WSB1: variants seen among roughly 807,000 people sequenced by gnomAD.
WSB1 encodes the protein WD repeat and SOCS box containing 1.
In WSB1, 23 loss-of-function variants were observed where a neutral mutation model predicts 50.2. That is an observed-to-expected ratio of 0.46 (90% confidence interval 0.33 to 0.65). The LOEUF is 0.65. Ranked by LOEUF, WSB1 falls within the 30% of genes least tolerant of loss-of-function variation. The pLI is 0.02. For missense variants in WSB1, 492 were observed against 522.3 expected (o/e 0.94, Z 0.56); for synonymous variants, 179 against 172.0 (o/e 1.04, Z -0.32).
chr17:27,294,341 T>G lies in WSB1; in HGVS notation c.-55T>G. 2 of 1,600,682 alleles carry G rather than the reference T, an allele frequency of 1.2e-6. No homozygotes were observed. The highest frequency in any genetic ancestry group is 2.2e-5 in the South Asian group (2 of 90,196). ...TCACGCCCCTCAGCGGTCGCCACTC[T>G]CTTCTCTGTTGTTGGGTCCGCATCG... On this transcript the variant is annotated 5_prime_UTR_variant, in exon 1 of 9. Coordinates refer to ENST00000262394, the MANE Select transcript of WSB1 (RefSeq NM_015626.10).
In WSB1 at chr17:27,315,255, T is replaced by C. The variant is rs1322250696; in HGVS notation, c.*2886T>C. 1 of 152,212 alleles carries C rather than the reference T, an allele frequency of 6.6e-6. No individual in the cohort carries two copies. The highest frequency in any genetic ancestry group is 1.9e-4 in the East Asian group (1 of 5,204). The allele number at this position is 152,212 out of a possible 1,614,324, so 9.4% of individuals were successfully genotyped here. A position where few individuals can be genotyped will look rare whatever the true frequency, so the allele number is the denominator to read the frequency against. ...TCCTATTTTGCCACAAGCCTGTCAT[T>C]TGGAGAACTGGCAGATCATTTATGT... On this transcript the variant is annotated 3_prime_UTR_variant, in exon 9 of 9. Transcript: ENST00000262394.
chr17:27,300,438 A>G (rs183209616), intron 1 of WSB1, among the ~76,000 whole-genome samples: 107 of 152,284 alleles, frequency 7.0e-4, no homozygotes, highest in African/African-American at 1.9e-3. Flanking sequence ...GTTTGCATGC[A>G]TGCATTGCAG....
intron 2 of WSB1, 182 bp downstream of exon 2, chr17:27,302,138 C>T (rs536456446): frequency 4.1e-5 from 32 of 783,928 alleles, no homozygotes; most frequent in South Asian, 2.4e-4. Flanking sequence ...GGGCCGGGCG[C>T]GGCGGCTCAG....
At chr17:27,301,150 A>G (rs1471635320) in intron 1 of WSB1, among the ~76,000 whole-genome samples, 1 of 152,208 alleles carries the variant, frequency 6.6e-6, no homozygotes, top group Non-Finnish European at 1.5e-5. Context: ...TTGGGATTAC[A>G]GGTGTGAGCA....
At chr17:27,309,963 A>C (rs962888869) in intron 6 of WSB1, 98 bp from the exon 7 acceptor site, 1 of 872,136 alleles carries the variant, frequency 1.1e-6, no homozygotes, top group African/African-American at 1.7e-5. Flanking sequence ...AATTAAGGCT[A>C]CTTTAAACAC....
intron 3 of WSB1, among the ~76,000 whole-genome samples, chr17:27,303,971 AT>A (rs2017340811): frequency 6.6e-6 from 1 of 152,200 alleles, no homozygotes; most frequent in African/African-American, 2.4e-5. Flanking sequence ...TTTTTCAATG[AT>A]TGATAGCTTA....
At chr17:27,300,709 T>TA (rs2017191373) in intron 1 of WSB1, among the ~76,000 whole-genome samples, 1 of 151,416 alleles carries the variant, frequency 6.6e-6, no homozygotes, top group Non-Finnish European at 1.5e-5. Context: ...TTTTTTTTTT[T>TA]ATGACAGTCT....
chr17:27,311,638 T>A, intron 8 of WSB1, 22 bp downstream of exon 8: 7 of 1,343,750 alleles, frequency 5.2e-6, no homozygotes, highest in African/African-American at 1.6e-5. Flanking sequence ...TTTCTCTTTT[T>A]TTTTTTTTTT....
Position 27,313,345 on chromosome 17 carries a change from T to C in WSB1, c.*976T>C, listed in dbSNP as rs2017760715. On this transcript the variant is annotated 3_prime_UTR_variant, in exon 9 of 9. Transcript: ENST00000262394. ...AGTTTACCCTTGTGGTATAAAGTAT[T>C]ATAAATTGTTGTGAATTTGAAGAAT... 1 of 152,226 alleles carries C rather than the reference T, an allele frequency of 6.6e-6. No homozygotes were observed. The highest frequency in any genetic ancestry group is 2.1e-4 in the South Asian group (1 of 4,822). The allele number at this position is 152,226 out of a possible 1,614,324, so 9.4% of individuals were successfully genotyped here.
intron 1 of WSB1, chr17:27,297,097 AT>A (rs1463063003): frequency 6.6e-6 from 1 of 151,998 alleles, no homozygotes; most frequent in Non-Finnish European, 1.5e-5. Flanking sequence ...TGTTATAAAT[AT>A]GTTATTATTT....
chr17:27,308,153 C>A, intron 5 of WSB1: 1 of 1,008,108 alleles, frequency 9.9e-7, no homozygotes, highest in Non-Finnish European at 1.2e-6. Flanking sequence ...GTCTTTGATT[C>A]AATTTAAAAT....
chr17:27,304,959 A>C, intron 4 of WSB1, 48 bp downstream of exon 4: 1 of 1,607,244 alleles, frequency 6.2e-7, no homozygotes, highest in Non-Finnish European at 8.5e-7. Flanking sequence ...TCTTGATACT[A>C]CTATGGAGAG....
chr17:27,296,305 C>A (rs1237034701), intron 1 of WSB1, among the ~76,000 whole-genome samples: 1 of 151,196 alleles, frequency 6.6e-6, no homozygotes, highest in Non-Finnish European at 1.5e-5. Context: ...TAAAAACTTA[C>A]TAGCTAAGTG....
At chr17:27,299,462 T>TA (rs1473137010) in intron 1 of WSB1, among the ~76,000 whole-genome samples, 2 of 152,140 alleles carry the variant, frequency 1.3e-5, no homozygotes, top group African/African-American at 2.4e-5. Flanking sequence ...AGTGCGCAGT[T>TA]ATTGTGCTAC....
intron 1 of WSB1, among the ~76,000 whole-genome samples, chr17:27,296,834 T>G (rs1280754268): frequency 1.3e-5 from 2 of 152,236 alleles, no homozygotes; most frequent in African/African-American, 4.8e-5. Context: ...ACAGATAATG[T>G]AATAAAGGTT....
chr17:27,306,791 T>G lies in WSB1; in HGVS notation c.620T>G (p.Met207Arg). 6.2e-7 allele frequency: 1 copy of G among 1,614,136 alleles called. No homozygotes were observed. The highest frequency in any genetic ancestry group is 8.5e-7 in the Non-Finnish European group (1 of 1,180,010). Residue 207 changes from methionine to arginine, a missense_variant, in exon 5 of 9, where the codon ATG becomes AGG. Coordinates refer to ENST00000262394, the MANE Select transcript of WSB1 (RefSeq NM_015626.10). Reference sequence around the variant, plus strand: ...ATTTCTTTTTGTTCAGGAAACATGATGAAAGTATTGAGGGGGCATCAGAAT... The same window carrying G: ...ATTTCTTTTTGTTCAGGAAACATGAGGAAAGTATTGAGGGGGCATCAGAAT... ...VWDLKDDGNM[M>R]KVLRGHQNWV...
chr17:27,300,858 C>T (rs569722775), intron 1 of WSB1, among the ~76,000 whole-genome samples: 5 of 150,926 alleles, frequency 3.3e-5, no homozygotes, highest in South Asian at 2.1e-4. Flanking sequence ...CCACCATGCC[C>T]GGCTATAATG....
intron 5 of WSB1, 173 bp downstream of exon 5, chr17:27,307,055 A>T (rs1428180015): frequency 1.6e-6 from 1 of 631,402 alleles, no homozygotes; most frequent in East Asian, 2.9e-5. Context: ...ATAGTTATTG[A>T]TTGCCAAGTG....
intron 8 of WSB1, 136 bp downstream of exon 8, chr17:27,311,752 C>T: frequency 1.5e-6 from 1 of 661,754 alleles, no homozygotes; most frequent in Non-Finnish European, 2.4e-6. Context: ...CTGCCTCAGC[C>T]TCCCGAGTAG....
Sources: gnomAD v4.1 joint callset for allele counts (sites outside exome capture counted in the v4.1 genomes callset) on GRCh38, gnomAD v4.1.1 for gene constraint, MANE v1.5 for transcripts, NCBI Gene and HGNC (gene_info 2026-07-23, HGNC 2026-07-21) for gene names.